The following OXR1 variants were observed in gnomAD, a reference collection of about 807,000 sequenced individuals.
OXR1 encodes oxidation resistance protein 1.
A neutral mutation model predicts 104.6 loss-of-function variants in OXR1; 41 were observed. The ratio of observed to expected loss-of-function variants is 0.39; its 90% CI spans 0.31 to 0.51. The LOEUF (loss-of-function observed/expected upper bound fraction) is 0.51. OXR1 is among the 20% of genes least tolerant of loss of function. The pLI is 0.77. For missense variants in OXR1, 955 were observed against 1,031.9 expected (o/e 0.93, Z 1.02); for synonymous variants, 348 against 348.4 (o/e 1.00, Z 0.01).
chr8:106,658,296 C>T, intron 3 of OXR1: 1 of 1,187,274 alleles, frequency 8.4e-7, no homozygotes, highest in Non-Finnish European at 1.1e-6. Flanking sequence ...GGCAGGTGTG[C>T]CTGGGCCGGG....
intron 2 of OXR1, among the ~76,000 whole-genome samples, chr8:106,375,822 A>G (rs892948168): frequency 6.6e-6 from 1 of 152,230 alleles, no homozygotes. Flanking sequence ...TTTGGTTCCT[A>G]TAAGGCTATT....
chr8:106,710,603 G>A lies in OXR1; in HGVS notation c.1625-19G>A, dbSNP rs368910637. The A allele has an allele frequency of 2.0e-6, 3 of 1,527,018 alleles. No homozygotes were observed. The highest frequency in any genetic ancestry group is 1.3e-5 in the South Asian group (1 of 78,154). 94.6% of individuals were successfully genotyped at this position (1,527,018 alleles called of 1,614,324 possible). On this transcript the variant is annotated intron_variant, in intron 9 of 16. Transcript: ENST00000517566. The stretch of plus-strand genomic sequence containing the variant: ...GGTGTGTGAGAATTGAATAAACACT[G>A]TTTGCATCTCAATTCTAGGTTCTGC...
At chr8:106,270,584 C>A (rs891153454) in intron 1 of OXR1, among the ~76,000 whole-genome samples, 1 of 151,982 alleles carries the variant, frequency 6.6e-6, no homozygotes, top group African/African-American at 2.4e-5. Flanking sequence ...AGAACTAGCT[C>A]CAGCGGGGGC....
chr8:106,718,694 C>G lies in OXR1; in HGVS notation c.1956+4709C>G, dbSNP rs932451054. Among the ~76,000 whole-genome samples, 47 of 151,576 alleles carry G rather than the reference C, an allele frequency of 3.1e-4. 1 individual carries two copies. The highest frequency in any genetic ancestry group is 1.4e-3 in the Admixed American group (21 of 15,204). On this transcript the variant is annotated intron_variant, in intron 11 of 16. Coordinates refer to ENST00000517566, the MANE Select transcript of OXR1 (RefSeq NM_001198533.2). ...CTCTACTAAAAATACAAAAAATTAG[C>G]CGGGCGTGGTGGCGGGCGCTTCTTG... is the stretch of plus-strand genomic sequence containing the variant.
chr8:106,662,341 CTATT>C (rs1281601658), intron 3 of OXR1, among the ~76,000 whole-genome samples: 2 of 152,098 alleles, frequency 1.3e-5, no homozygotes, highest in African/African-American at 4.8e-5. Context: ...CAAGGAAAAA[CTATT>C]TAATAATAAT....
chr8:106,739,075 TACACACACACAC>T (rs71307086), intron 12 of OXR1, among the ~76,000 whole-genome samples: 14,025 of 141,570 alleles, frequency 0.099, 882 homozygotes, highest in East Asian at 0.21. Context: ...TTAAATAGCA[TACACACACACAC>T]ACACACACAC....
intron 7 of OXR1, chr8:106,697,375 A>G (rs879814215): frequency 3.4e-6 from 4 of 1,189,648 alleles, no homozygotes; most frequent in Non-Finnish European, 4.8e-6. Context: ...ATATATCTAC[A>G]TGTATATTAA....
At chr8:106,291,361 A>G (rs2130041254) in intron 1 of OXR1, among the ~76,000 whole-genome samples, 1 of 152,248 alleles carries the variant, frequency 6.6e-6, no homozygotes, top group Non-Finnish European at 1.5e-5. Flanking sequence ...GGTGCAACAC[A>G]CCCATGTAGC....
chr8:106,616,281 T>C (rs1450313782), intron 3 of OXR1, among the ~76,000 whole-genome samples: 6 of 145,290 alleles, frequency 4.1e-5, no homozygotes, highest in Non-Finnish European at 9.0e-5. Context: ...CAGGATGGTC[T>C]CGATCTCCTG....
chr8:106,739,251 G>A (rs1322831883), intron 12 of OXR1, among the ~76,000 whole-genome samples: 3 of 152,052 alleles, frequency 2.0e-5, no homozygotes, highest in African/African-American at 7.2e-5. Flanking sequence ...ATGAGAAAAC[G>A]TCTGCTTATA....
intron 16 of OXR1, 85 bp from the exon 17 acceptor site, chr8:106,750,721 G>A: frequency 8.6e-6 from 8 of 932,084 alleles, no homozygotes; most frequent in Middle Eastern, 2.3e-4. Flanking sequence ...AATAACTTTA[G>A]GGTTGTTAGG....
At chr8:106,503,026 T>G (rs550360348) in intron 2 of OXR1, among the ~76,000 whole-genome samples, 13 of 152,318 alleles carry the variant, frequency 8.5e-5, no homozygotes, top group African/African-American at 3.1e-4. Flanking sequence ...AAATCCATCC[T>G]TTTTATGCCC....
intron 3 of OXR1, among the ~76,000 whole-genome samples, chr8:106,645,247 G>A (rs1472672653): frequency 2.6e-5 from 4 of 152,064 alleles, no homozygotes; most frequent in Non-Finnish European, 5.9e-5. Flanking sequence ...CCTTCCTTCC[G>A]GACTCCTAGA....
At chr8:106,447,907 A>G in intron 2 of OXR1, 1 of 1,513,310 alleles carries the variant, frequency 6.6e-7, no homozygotes, top group South Asian at 1.2e-5. Context: ...CTCCTGGCGG[A>G]GGTAGTGGGT....
At chr8:106,737,852 T>A (rs1834541728) in intron 12 of OXR1, among the ~76,000 whole-genome samples, 1 of 152,226 alleles carries the variant, frequency 6.6e-6, no homozygotes, top group African/African-American at 2.4e-5. Context: ...TGTGTTTCTT[T>A]CAGCGATGAG....
chr8:106,595,645 T>C (rs984885333), intron 3 of OXR1, among the ~76,000 whole-genome samples: 2 of 151,996 alleles, frequency 1.3e-5, no homozygotes. Flanking sequence ...GCAGCATTTA[T>C]CTTGTTTGTT....
chr8:106,275,214 A>G (rs1346404307), intron 1 of OXR1, among the ~76,000 whole-genome samples: 1 of 152,262 alleles, frequency 6.6e-6, no homozygotes, highest in African/African-American at 2.4e-5. Flanking sequence ...AGCCTAGACA[A>G]GGAAGAAATG....
At chr8:106,506,870 T>C (rs1812197784) in intron 2 of OXR1, among the ~76,000 whole-genome samples, 1 of 151,910 alleles carries the variant, frequency 6.6e-6, no homozygotes, top group Non-Finnish European at 1.5e-5. Flanking sequence ...ATGGAAGGAT[T>C]GCTTGAGCTC....
intron 6 of OXR1, among the ~76,000 whole-genome samples, chr8:106,687,529 C>T (rs1382444647): frequency 6.6e-6 from 1 of 151,918 alleles, no homozygotes; most frequent in Non-Finnish European, 1.5e-5. Context: ...AAGATTAGAG[C>T]GGCCAACATG....
Sources: gnomAD v4.1 joint callset for allele counts (sites outside exome capture counted in the v4.1 genomes callset) on GRCh38, gnomAD v4.1.1 for gene constraint, MANE v1.5 for transcripts, NCBI Gene and HGNC (gene_info 2026-07-23, HGNC 2026-07-21) for gene names.